LTBP1: variants seen among roughly 807,000 people sequenced by gnomAD.
The protein encoded by LTBP1 is latent-transforming growth factor beta-binding protein 1.
In LTBP1, 129 loss-of-function variants were observed where a neutral mutation model predicts 207.6. The ratio of observed to expected loss-of-function variants is 0.62; its 90% confidence interval spans 0.54 to 0.72. LTBP1 has a LOEUF of 0.72. Ranked by LOEUF, LTBP1 falls within the 30% of genes least tolerant of loss-of-function variation. The pLI is 0.00. For missense variants in LTBP1, 2,281 were observed against 2,217.2 expected (o/e 1.03, Z -0.58); for synonymous variants, 963 against 833.7 (o/e 1.16, Z -2.67).
intron 2 of LTBP1, among the ~76,000 whole-genome samples, chr2:32,978,347 T>C (rs1481848068): frequency 6.6e-6 from 1 of 152,206 alleles, no homozygotes; most frequent in African/African-American, 2.4e-5. Flanking sequence ...ACAGACTTTT[T>C]GGCTTTTATT....
intron 3 of LTBP1, among the ~76,000 whole-genome samples, chr2:33,064,020 A>G (rs888993779): frequency 1.3e-5 from 2 of 151,920 alleles, no homozygotes; most frequent in African/African-American, 4.8e-5. Flanking sequence ...TGCCTGGCTA[A>G]TTTTTGTAAT....
intron 5 of LTBP1, among the ~76,000 whole-genome samples, chr2:33,142,859 A>G (rs1572835201): frequency 6.6e-6 from 1 of 152,210 alleles, no homozygotes; most frequent in East Asian, 1.9e-4. Flanking sequence ...CCTGGAATAA[A>G]TAACCTTTCA....
intron 20 of LTBP1, among the ~76,000 whole-genome samples, chr2:33,296,956 T>C (rs947465382): frequency 6.6e-6 from 1 of 152,260 alleles, no homozygotes; most frequent in South Asian, 2.1e-4. Flanking sequence ...GGGCAGAGCA[T>C]GACATGGTGG....
At chr2:33,094,735 A>T (rs1349939932) in intron 3 of LTBP1, among the ~76,000 whole-genome samples, 1 of 152,234 alleles carries the variant, frequency 6.6e-6, no homozygotes, top group Non-Finnish European at 1.5e-5. Context: ...CAGAGATGTG[A>T]TGAATCCCCT....
At chr2:33,086,750 A>G (rs2078776159) in intron 3 of LTBP1, among the ~76,000 whole-genome samples, 1 of 152,024 alleles carries the variant, frequency 6.6e-6, no homozygotes, top group South Asian at 2.1e-4. Context: ...TTTAATTCAC[A>G]AGGAGCATTA....
At chr2:33,259,523 A>T (rs905220860) in intron 12 of LTBP1, 65 bp from the exon 13 acceptor site, 2 of 1,146,764 alleles carry the variant, frequency 1.7e-6, no homozygotes, top group African/African-American at 3.1e-5. Context: ...TTTTTTAAGA[A>T]TTGAAATATA....
chr2:33,164,166 T>C (rs1166938475), intron 5 of LTBP1, among the ~76,000 whole-genome samples: 1 of 151,422 alleles, frequency 6.6e-6, no homozygotes, highest in Non-Finnish European at 1.5e-5. Flanking sequence ...CTGGCCAACA[T>C]GGTGAAACCC....
chr2:33,179,038 G>GC (rs2086353371), intron 5 of LTBP1, among the ~76,000 whole-genome samples: 1 of 146,290 alleles, frequency 6.8e-6, no homozygotes, highest in Non-Finnish European at 1.5e-5. Flanking sequence ...ACCATGCCTG[G>GC]CCCCCAGCAT....
chr2:33,188,296 C>G (rs1411644115), intron 6 of LTBP1, among the ~76,000 whole-genome samples: 2 of 151,892 alleles, frequency 1.3e-5, no homozygotes, highest in Admixed American at 6.6e-5. Flanking sequence ...TGGTGGGCAC[C>G]TGTAATCCCA....
intron 22 of LTBP1, 148 bp downstream of exon 22, chr2:33,301,792 C>G: frequency 1.5e-6 from 1 of 648,014 alleles, no homozygotes; most frequent in Non-Finnish European, 2.4e-6. Context: ...CGGGGTCACA[C>G]AAATAATTCA....
At chr2:33,189,902 C>T (rs2087657919) in intron 7 of LTBP1, among the ~76,000 whole-genome samples, 1 of 152,040 alleles carries the variant, frequency 6.6e-6, no homozygotes, top group Non-Finnish European at 1.5e-5. Context: ...TGGCAGGCGC[C>T]TGTAATCCCA....
chr2:33,170,951 C>G (rs2085383542), intron 5 of LTBP1, among the ~76,000 whole-genome samples: 1 of 152,142 alleles, frequency 6.6e-6, no homozygotes, highest in African/African-American at 2.4e-5. Flanking sequence ...GCTGAGGGTC[C>G]TGTCTGCTAC....
intron 4 of LTBP1, among the ~76,000 whole-genome samples, chr2:33,125,182 G>A (rs1436268217): frequency 2.0e-5 from 3 of 152,172 alleles, no homozygotes; most frequent in Non-Finnish European, 4.4e-5. Context: ...TGTAGGAGAG[G>A]CATTGGGGCG....
chr2:33,311,455 A>G (rs2094186332), intron 23 of LTBP1, among the ~76,000 whole-genome samples: 1 of 151,654 alleles, frequency 6.6e-6, no homozygotes. Context: ...AATTATAAAT[A>G]TATGTGAGAA....
intron 10 of LTBP1, among the ~76,000 whole-genome samples, chr2:33,244,341 A>G (rs1046634755): frequency 2.0e-5 from 3 of 152,156 alleles, no homozygotes; most frequent in Non-Finnish European, 4.4e-5. Flanking sequence ...TGTTCTTTAA[A>G]CCCACCAAAA....
intron 7 of LTBP1, among the ~76,000 whole-genome samples, chr2:33,197,923 C>G (rs2088762518): frequency 6.6e-6 from 1 of 152,060 alleles, no homozygotes; most frequent in African/African-American, 2.4e-5. Flanking sequence ...TTTCAAGATG[C>G]TGAAAGATCA....
chr2:33,052,165 G>C (rs1323620528), intron 3 of LTBP1, among the ~76,000 whole-genome samples: 1 of 152,210 alleles, frequency 6.6e-6, no homozygotes, highest in Non-Finnish European at 1.5e-5. Context: ...AGCTTTCTGG[G>C]TGTCCAGTGG....
chr2:32,950,340 T>G (rs1266366087), intron 2 of LTBP1, among the ~76,000 whole-genome samples: 1 of 152,080 alleles, frequency 6.6e-6, no homozygotes, highest in Admixed American at 6.5e-5. Flanking sequence ...GTGGATCACT[T>G]GAGGCCAGGA....
chr2:33,254,382 C>T (rs1466974957), intron 11 of LTBP1, among the ~76,000 whole-genome samples: 1 of 151,836 alleles, frequency 6.6e-6, no homozygotes, highest in African/African-American at 2.4e-5. Context: ...GCTTTATAAT[C>T]CTTACATGAA....
Sources: allele counts gnomAD v4.1 joint callset (sites outside exome capture counted in the v4.1 genomes callset), GRCh38; gene constraint gnomAD v4.1.1; transcripts MANE v1.5; gene names NCBI Gene and HGNC (gene_info 2026-07-23, HGNC 2026-07-21).